Variants in BAIAP2L1 observed in about 807,000 individuals in gnomAD.
BAIAP2L1 encodes the protein BAR/IMD domain-containing adapter protein 2-like 1.
In BAIAP2L1, 35 loss-of-function variants were observed where a neutral mutation model predicts 66.3. The observed-to-expected ratio is 0.53, with a 90% CI of 0.40 to 0.70. The LOEUF (loss-of-function observed/expected upper bound fraction) is 0.70, where lower values mean the gene tolerates loss of function less well. BAIAP2L1 is among the 30% of genes least tolerant of loss of function. BAIAP2L1 has a pLI of 0.00. For missense variants in BAIAP2L1, 622 were observed against 656.9 expected (o/e 0.95, Z 0.58); for synonymous variants, 269 against 248.7 (o/e 1.08, Z -0.77).
intron 3 of BAIAP2L1, among the ~76,000 whole-genome samples, chr7:98,334,636 C>T (rs1801570325): frequency 6.6e-6 from 1 of 151,906 alleles, no homozygotes; most frequent in South Asian, 2.1e-4. Context: ...CCTCTGCCTC[C>T]TAGGTTCGAG....
chr7:98,371,757 T>C (rs1470069723), intron 1 of BAIAP2L1, among the ~76,000 whole-genome samples: 2 of 152,010 alleles, frequency 1.3e-5, no homozygotes, highest in Non-Finnish European at 2.9e-5. Flanking sequence ...ATAAGCTGAG[T>C]GGACTTTAAA....
intron 3 of BAIAP2L1, among the ~76,000 whole-genome samples, chr7:98,350,486 C>T (rs535762778): frequency 1.6e-4 from 24 of 152,124 alleles, no homozygotes; most frequent in African/African-American, 5.3e-4. Context: ...TGAAACAATA[C>T]CGCTCCTACT....
At chr7:98,355,376 G>C (rs1802095650) in intron 2 of BAIAP2L1, 4 of 512,778 alleles carry the variant, frequency 7.8e-6, no homozygotes, top group Non-Finnish European at 1.4e-5. Context: ...AGCAGGTGCT[G>C]AAAGTCCAGA....
rs138616807 is a variant in BAIAP2L1, at chr7:98,392,446, T to A, written c.51+8356A>T. 3.3e-3 allele frequency among the ~76,000 whole-genome samples: 495 copies of A among 152,222 alleles called. 3 individuals are homozygous for A. Among genetic ancestry groups the A allele is most frequent in the African/African-American group, 0.011 (469 of 41,546 alleles). On this transcript the variant is annotated intron_variant, in intron 1 of 13. Coordinates refer to ENST00000005260, the MANE Select transcript of BAIAP2L1 (RefSeq NM_018842.5). ...TTGGTGCATGCTTTCTGGAGGGCAT[T>A]TTGCAATGTGGAGCAAACAGGCTTT...
intron 7 of BAIAP2L1, among the ~76,000 whole-genome samples, chr7:98,313,982 CTT>C (rs35599338): frequency 0.017 from 1,728 of 100,878 alleles, 29 homozygotes; most frequent in African/African-American, 0.06. Flanking sequence ...CTTTTTCTTC[CTT>C]TTTTTTTTTT....
chr7:98,348,963 T>C (rs560263392), intron 3 of BAIAP2L1, among the ~76,000 whole-genome samples: 1 of 152,272 alleles, frequency 6.6e-6, no homozygotes, highest in Non-Finnish European at 1.5e-5. Flanking sequence ...CTGGCCTTAC[T>C]GTCCTGGGTC....
chr7:98,353,008 A>G (rs1802033695), intron 3 of BAIAP2L1, among the ~76,000 whole-genome samples: 1 of 151,816 alleles, frequency 6.6e-6, no homozygotes. Context: ...AATCATCTCA[A>G]CGACTCCCCC....
chr7:98,366,697 G>A (rs1049960551), intron 1 of BAIAP2L1, among the ~76,000 whole-genome samples: 1 of 152,082 alleles, frequency 6.6e-6, no homozygotes, highest in Non-Finnish European at 1.5e-5. Context: ...CTGGAAGCCC[G>A]CTCACCTGGT....
intron 3 of BAIAP2L1, among the ~76,000 whole-genome samples, chr7:98,340,592 A>C (rs1801718755): frequency 1.3e-5 from 2 of 152,076 alleles, no homozygotes; most frequent in Admixed American, 1.3e-4. Context: ...CGGCTATGTA[A>C]GTAATATTTA....
At chr7:98,318,570 C>A (rs554040508) in intron 5 of BAIAP2L1, among the ~76,000 whole-genome samples, 1 of 152,046 alleles carries the variant, frequency 6.6e-6, no homozygotes, top group East Asian at 2.0e-4. Flanking sequence ...TGAGCCACCA[C>A]GCCCAGTGAA....
At chr7:98,379,511 T>C (rs1030911872) in intron 1 of BAIAP2L1, among the ~76,000 whole-genome samples, 1 of 152,204 alleles carries the variant, frequency 6.6e-6, no homozygotes, top group Non-Finnish European at 1.5e-5. Context: ...CTCGGCCTTC[T>C]ACCTACCAAG....
intron 1 of BAIAP2L1, among the ~76,000 whole-genome samples, chr7:98,376,885 G>C (rs940993860): frequency 6.6e-6 from 1 of 151,930 alleles, no homozygotes; most frequent in African/African-American, 2.4e-5. Context: ...TAAACACAGC[G>C]TTGCTATGAA....
chr7:98,355,838 TG>T (rs898360638), intron 2 of BAIAP2L1, among the ~76,000 whole-genome samples: 2 of 152,186 alleles, frequency 1.3e-5, no homozygotes, highest in African/African-American at 4.8e-5. Flanking sequence ...AGGAGTTGTG[TG>T]AGGTGGACTA....
chr7:98,308,891 C>G (rs1800767856), intron 9 of BAIAP2L1: 2 of 152,402 alleles, frequency 1.3e-5, no homozygotes, highest in Non-Finnish European at 2.9e-5. Flanking sequence ...GTTGCCCAGC[C>G]TGGTCTTGAC....
At position 98,307,843 on chromosome 7, in the gene BAIAP2L1, T is replaced by A; in HGVS notation, c.1009A>T (p.Asn337Tyr). 1 of 1,614,238 alleles carries A rather than the reference T, an allele frequency of 6.2e-7. No homozygotes were observed. Among genetic ancestry groups the A allele is most frequent in the Non-Finnish European group, 8.5e-7 (1 of 1,180,048 alleles). Reference sequence around the variant, plus strand: ...TTCACTTTCTGCTTCTTCATCATGTTCAGTCCCGTTGCAACCGAAACTGAT... The same window carrying A: ...TTCACTTTCTGCTTCTTCATCATGTACAGTCCCGTTGCAACCGAAACTGAT... Reference protein sequence around the residue: ...QRSVSVATGLNMMKKQKVKTI... With the variant: ...QRSVSVATGLYMMKKQKVKTI... Residue 337 changes from asparagine to tyrosine, a missense_variant, in exon 10 of 14, where the codon AAC becomes TAC. Transcript: ENST00000005260.
intron 1 of BAIAP2L1, among the ~76,000 whole-genome samples, chr7:98,385,367 T>C (rs1802861988): frequency 6.6e-6 from 1 of 152,130 alleles, no homozygotes; most frequent in African/African-American, 2.4e-5. Flanking sequence ...CTCCAAATGA[T>C]TTAAAAACAG....
intron 1 of BAIAP2L1, among the ~76,000 whole-genome samples, chr7:98,382,048 C>T (rs998232738): frequency 2.0e-5 from 3 of 151,516 alleles, no homozygotes; most frequent in African/African-American, 7.3e-5. Context: ...GCCTCAGCCT[C>T]CTGAGTAGCT....
chr7:98,293,733 G>A (rs533759326), intron 13 of BAIAP2L1, 137 bp from the exon 14 acceptor site: 7 of 791,222 alleles, frequency 8.8e-6, no homozygotes, highest in African/African-American at 6.8e-5. Flanking sequence ...TCCCAGCAGC[G>A]TTTTCTGAGT....
chr7:98,396,163 G>A (rs572168523), intron 1 of BAIAP2L1, among the ~76,000 whole-genome samples: 26 of 152,096 alleles, frequency 1.7e-4, no homozygotes, highest in African/African-American at 6.3e-4. Flanking sequence ...TCTGCCTCCT[G>A]GCCTCAAGTG....
Sources: allele counts gnomAD v4.1 joint callset (sites outside exome capture counted in the v4.1 genomes callset), GRCh38; gene constraint gnomAD v4.1.1; transcripts MANE v1.5; gene names NCBI Gene and HGNC (gene_info 2026-07-23, HGNC 2026-07-21).